The following CD247 variants were observed in gnomAD, a reference collection of about 807,000 sequenced individuals.
CD247 encodes the protein T-cell surface glycoprotein CD3 zeta chain.
CD247 carries 13 observed loss-of-function variants against 30.0 expected under a neutral mutation model. The ratio of observed to expected loss-of-function variants is 0.43; its 90% CI spans 0.28 to 0.69. The LOEUF is 0.69. Among genes scored for constraint, CD247 ranks in the 30% least tolerant of loss-of-function variants. The pLI is 0.16. For missense variants in CD247, 193 were observed against 212.6 expected (o/e 0.91, Z 0.57); for synonymous variants, 72 against 80.0 (o/e 0.90, Z 0.53).
At position 167,494,930 on chromosome 1, in the gene CD247, T is replaced by C. The variant is rs34793184; in HGVS notation, c.58+23478A>G. ...GAGAGCCCAGGTGACTTGCCTTGGC[T>C]GGGCTGGACTCTGTTCTCTCCCCAC... On this transcript the variant is annotated intron_variant, in intron 1 of 7. Transcript: ENST00000362089. The surrounding 1 kb of genome is among the most constrained non-coding windows in gnomAD (Gnocchi z 7.3). Among the ~76,000 whole-genome samples the C allele has an allele frequency of 4.2e-3, 638 of 152,304 alleles. 7 individuals are homozygous for C. Among genetic ancestry groups the C allele is most frequent in the African/African-American group, 0.015 (616 of 41,570 alleles).
chr1:167,455,543 G>A (rs1217370596), intron 1 of CD247, among the ~76,000 whole-genome samples: 4 of 152,122 alleles, frequency 2.6e-5, no homozygotes, highest in African/African-American at 9.7e-5. Context: ...TGCGGTTACG[G>A]GAGCAGCAGC....
chr1:167,514,598 A>C (rs921866703), intron 1 of CD247, among the ~76,000 whole-genome samples: 12 of 150,586 alleles, frequency 8.0e-5, no homozygotes, highest in Admixed American at 7.3e-4. Flanking sequence ...AACAGGTCTA[A>C]TGACCGGTTT....
intron 1 of CD247, among the ~76,000 whole-genome samples, chr1:167,480,051 T>C (rs910629950): frequency 2.6e-5 from 4 of 152,134 alleles, no homozygotes; most frequent in Non-Finnish European, 4.4e-5. Context: ...CAATGGCCAC[T>C]GCATATGGTC....
intron 1 of CD247, among the ~76,000 whole-genome samples, chr1:167,445,370 T>C (rs927883438): frequency 2.0e-5 from 3 of 152,164 alleles, no homozygotes; most frequent in Non-Finnish European, 4.4e-5. Context: ...AGTTGGAACC[T>C]TCCTGCCCTG....
At chr1:167,462,877 G>A (rs1417692180) in intron 1 of CD247, among the ~76,000 whole-genome samples, 2 of 152,028 alleles carry the variant, frequency 1.3e-5, no homozygotes, top group Admixed American at 1.3e-4. Flanking sequence ...TCTCTTCCTT[G>A]CATTTCCCTC....
chr1:167,442,806 G>A (rs1456795410), intron 1 of CD247, among the ~76,000 whole-genome samples: 1 of 151,640 alleles, frequency 6.6e-6, no homozygotes, highest in Non-Finnish European at 1.5e-5. Context: ...CCAGGCAGCT[G>A]ATCTCTACAA....
chr1:167,449,500 A>C (rs1316569747), intron 1 of CD247, among the ~76,000 whole-genome samples: 1 of 152,200 alleles, frequency 6.6e-6, no homozygotes, highest in African/African-American at 2.4e-5. Flanking sequence ...AACTTAATAT[A>C]AAAGTGCAGA....
chr1:167,492,302 CA>C (rs1488778167), intron 1 of CD247, among the ~76,000 whole-genome samples: 1 of 152,182 alleles, frequency 6.6e-6, no homozygotes, highest in Non-Finnish European at 1.5e-5. Context: ...TCAGCAGGCT[CA>C]GGGGGTGCTG....
Position 167,431,081 on chromosome 1 carries a change from C to T in CD247, c.*600G>A, listed in dbSNP as rs1255413608. The T allele has an allele frequency of 4.2e-5, 18 of 424,670 alleles. No homozygotes were observed. The Admixed American group carries it at 6.5e-4, about 15-fold the overall frequency. 26.3% of individuals were successfully genotyped at this position (424,670 alleles called of 1,614,324 possible). A position where few individuals can be genotyped will look rare whatever the true frequency, so the allele number is the denominator to read the frequency against. On this transcript the variant is annotated 3_prime_UTR_variant, in exon 8 of 8. Transcript: ENST00000362089. ...GAGGCAGGGAGGCTCCCGCTGCCCT[C>T]GCAGGCCCTGGCTGACCCTCCCCTG...
chr1:167,464,496 A>T (rs1393496223), intron 1 of CD247, among the ~76,000 whole-genome samples: 2 of 152,178 alleles, frequency 1.3e-5, no homozygotes, highest in Non-Finnish European at 2.9e-5. Flanking sequence ...ATAGTCCCCT[A>T]AGGAAACTCC....
rs1654585298 is a variant in CD247 at position 167,494,279 on chromosome 1, C to A, written c.58+24129G>T. Among the ~76,000 whole-genome samples, 1 of 152,238 alleles carries A rather than the reference C, an allele frequency of 6.6e-6. No homozygotes were observed. Among genetic ancestry groups the A allele is most frequent in the Non-Finnish European group, 1.5e-5 (1 of 68,026 alleles). ...GATCCCCAGGGCCAGTTCAGCAAAA[C>A]CTCTGTCAACAAATAGAGGATTTGT... On this transcript the variant is annotated intron_variant, in intron 1 of 7. Coordinates refer to ENST00000362089, the MANE Select transcript of CD247 (RefSeq NM_198053.3). The surrounding 1 kb of genome is among the most constrained non-coding windows in gnomAD (Gnocchi z 7.3).
At chr1:167,473,098 C>CAT (rs1188974000) in intron 1 of CD247, among the ~76,000 whole-genome samples, 1 of 150,842 alleles carries the variant, frequency 6.6e-6, no homozygotes, top group Non-Finnish European at 1.5e-5. Context: ...GTTTTACACA[C>CAT]ACACACACAC....
At chr1:167,514,486 G>A (rs562576954) in intron 1 of CD247, among the ~76,000 whole-genome samples, 30 of 152,300 alleles carry the variant, frequency 2.0e-4, no homozygotes, top group African/African-American at 5.5e-4. Flanking sequence ...AGCTGTGAGC[G>A]TGACAGGGGC....
At chr1:167,442,690 A>C (rs1651894700) in intron 1 of CD247, among the ~76,000 whole-genome samples, 2 of 152,140 alleles carry the variant, frequency 1.3e-5, no homozygotes, top group South Asian at 4.1e-4. Flanking sequence ...CGAACTATGG[A>C]AGCAGATGAT....
chr1:167,495,617 T>A (rs1482857134), intron 1 of CD247, among the ~76,000 whole-genome samples: 2 of 152,182 alleles, frequency 1.3e-5, no homozygotes, highest in African/African-American at 4.8e-5. Context: ...TTGACCTCCA[T>A]CTCACTTAGA....
chr1:167,517,484 T>G (rs555581524), intron 1 of CD247, among the ~76,000 whole-genome samples: 8 of 152,248 alleles, frequency 5.3e-5, no homozygotes, highest in South Asian at 2.1e-4. Context: ...CTCTTTTCAC[T>G]GGTTTTCTTC....
intron 1 of CD247, among the ~76,000 whole-genome samples, chr1:167,455,512 T>A (rs1652604433): frequency 6.6e-6 from 1 of 152,154 alleles, no homozygotes. Flanking sequence ...AGCCCCGTGT[T>A]GCCGCCAGCC....
intron 1 of CD247, among the ~76,000 whole-genome samples, chr1:167,446,765 G>A (rs780209906): frequency 8.5e-5 from 13 of 152,150 alleles, no homozygotes; most frequent in East Asian, 1.9e-4. Context: ...AGGCCGAGGC[G>A]GGCGGATCAT....
intron 1 of CD247, among the ~76,000 whole-genome samples, chr1:167,486,833 G>T (rs1048283440): frequency 7.9e-5 from 12 of 152,236 alleles, no homozygotes; most frequent in African/African-American, 2.9e-4. Context: ...CAGCACTTTG[G>T]AAGACCGAGG....
Sources: gnomAD v4.1 joint callset for allele counts (sites outside exome capture counted in the v4.1 genomes callset) on GRCh38, gnomAD v4.1.1 for gene constraint, Gnocchi (gnomAD v3.1) non-coding constraint, MANE v1.5 for transcripts, NCBI Gene and HGNC (gene_info 2026-07-23, HGNC 2026-07-21) for gene names.